The following CDH1 variants were observed in gnomAD, a reference collection of about 807,000 sequenced individuals.
CDH1 encodes the protein cadherin-1.
A neutral mutation model predicts 84.5 loss-of-function variants in CDH1; 35 were observed. The observed-to-expected ratio is 0.41, with a 90% CI of 0.32 to 0.55. CDH1 has a LOEUF of 0.55. Among genes scored for constraint, CDH1 ranks in the 20% least tolerant of loss-of-function variants. The pLI, the probability that CDH1 is intolerant of heterozygous loss-of-function variation, is 0.19. For missense variants in CDH1, 994 were observed against 1,126.6 expected (o/e 0.88, Z 1.68); for synonymous variants, 417 against 439.0 (o/e 0.95, Z 0.63).
chr16:68,800,847 A>T (rs553409890), intron 2 of CDH1, among the ~76,000 whole-genome samples: 16 of 152,110 alleles, frequency 1.1e-4, no homozygotes, highest in African/African-American at 3.9e-4. Context: ...TTTTATTTTA[A>T]TTTCTTTTTA....
At chr16:68,744,531 T>G (rs911153814) in intron 2 of CDH1, among the ~76,000 whole-genome samples, 3 of 152,138 alleles carry the variant, frequency 2.0e-5, no homozygotes, top group African/African-American at 7.2e-5. Context: ...CTTGGGGGAC[T>G]GGGGTTTAGG....
intron 2 of CDH1, among the ~76,000 whole-genome samples, chr16:68,760,394 A>T (rs1963137347): frequency 6.7e-6 from 1 of 150,272 alleles, no homozygotes. Flanking sequence ...GATTACAGGC[A>T]TGAGCCACCA....
chr16:68,745,419 G>A (rs1962695338), intron 2 of CDH1, among the ~76,000 whole-genome samples: 1 of 150,752 alleles, frequency 6.6e-6, no homozygotes, highest in African/African-American at 2.4e-5. Context: ...GCATGTGCAT[G>A]TAGTCCCAAC....
chr16:68,815,810 C>A (rs749832545), intron 10 of CDH1, 51 bp downstream of exon 10: 8 of 1,594,722 alleles, frequency 5.0e-6, no homozygotes, highest in Middle Eastern at 1.8e-4. Context: ...TATTTTATAT[C>A]ATTTTATATG....
chr16:68,747,203 C>T (rs139906556), intron 2 of CDH1, among the ~76,000 whole-genome samples: 329 of 152,154 alleles, frequency 2.2e-3, no homozygotes, highest in Non-Finnish European at 3.6e-3. Flanking sequence ...AGGGTGTCTT[C>T]CATGCAAGGA....
chr16:68,809,055 G>A (rs547041885), intron 5 of CDH1: 1 of 594,786 alleles, frequency 1.7e-6, no homozygotes, highest in Non-Finnish European at 3.0e-6. Context: ...AAGAAAGGAA[G>A]GAGAATCCGC....
At chr16:68,750,902 G>A (rs1157511634) in intron 2 of CDH1, among the ~76,000 whole-genome samples, 1 of 151,796 alleles carries the variant, frequency 6.6e-6, no homozygotes, top group South Asian at 2.1e-4. Context: ...AAGGGATCTC[G>A]CTATATTGCC....
At chr16:68,790,502 G>GC (rs1427909230) in intron 2 of CDH1, among the ~76,000 whole-genome samples, 1 of 152,152 alleles carries the variant, frequency 6.6e-6, no homozygotes, top group Admixed American at 6.5e-5. Flanking sequence ...TACGCATGCA[G>GC]CCACAGCTGG....
intron 2 of CDH1, among the ~76,000 whole-genome samples, chr16:68,781,718 C>T (rs994179230): frequency 5.9e-5 from 9 of 152,110 alleles, no homozygotes; most frequent in Non-Finnish European, 1.3e-4. Context: ...GAGTGATCTC[C>T]CTGCCTTAGC....
At chr16:68,738,136 G>A (rs1416846295) in intron 1 of CDH1, among the ~76,000 whole-genome samples, 161 bp from the exon 2 acceptor site, 1 of 152,154 alleles carries the variant, frequency 6.6e-6, no homozygotes, top group African/African-American at 2.4e-5. Flanking sequence ...GTTTCGGGGT[G>A]GGGGAGGGTG....
intron 2 of CDH1, among the ~76,000 whole-genome samples, chr16:68,783,388 C>CAAAAAA (rs375080273): frequency 3.2e-5 from 2 of 61,964 alleles, no homozygotes; most frequent in East Asian, 4.8e-4. Flanking sequence ...CAGAGTATCT[C>CAAAAAA]AAAAAAAAAA....
In CDH1 at chr16:68,812,121, C is replaced by T. The variant is rs368293695; in HGVS notation, c.1009-14C>T. ...GTTCCTGGTCCTGACTTGGTTGTGT[C>T]GATCTCTCTGCAGAGTTTCCCTACG... On this transcript the variant is annotated splice_polypyrimidine_tract_variant and intron_variant, in intron 7 of 15. Coordinates refer to ENST00000261769, the MANE Select transcript of CDH1 (RefSeq NM_004360.5). 1.9e-5 allele frequency: 31 copies of T among 1,613,662 alleles called. No homozygotes were observed. Among genetic ancestry groups the T allele is most frequent in the African/African-American group, 2.7e-5 (2 of 74,810 alleles).
In CDH1 at chr16:68,833,861, G is replaced by A; in HGVS notation, c.*362G>A. On this transcript the variant is annotated 3_prime_UTR_variant, in exon 16 of 16. Transcript: ENST00000261769. The stretch of plus-strand genomic sequence containing the variant: ...TTTTGTCTCACTTTTAAAAAGAAGG[G>A]GAGAAGTCAGCTACTCTAGTTCTGT... 1 of 383,804 alleles carries A rather than the reference G, an allele frequency of 2.6e-6. No homozygotes were observed. The highest frequency in any genetic ancestry group is 4.4e-5 in the East Asian group (1 of 22,482). 23.8% of individuals were successfully genotyped at this position (383,804 alleles called of 1,614,324 possible).
At chr16:68,818,173 G>C (rs1412100888) in intron 10 of CDH1, among the ~76,000 whole-genome samples, 1 of 149,062 alleles carries the variant, frequency 6.7e-6, no homozygotes, top group Non-Finnish European at 1.5e-5. Context: ...CTGGGAGGTG[G>C]AGCTTGCAGT....
chr16:68,745,550 A>ATATATATATATGTG (rs1555510454), intron 2 of CDH1, among the ~76,000 whole-genome samples: 7 of 50,498 alleles, frequency 1.4e-4, no homozygotes, highest in Non-Finnish European at 2.3e-4. Context: ...AAAAAAAAAA[A>ATATATATATATGTG]TATATATATA....
intron 2 of CDH1, among the ~76,000 whole-genome samples, chr16:68,792,195 A>T (rs1252789247): frequency 6.8e-6 from 1 of 146,444 alleles, no homozygotes; most frequent in East Asian, 2.0e-4. Context: ...TGCTGTGATT[A>T]CAGGCATGAG....
At chr16:68,789,818 G>T (rs1960160892) in intron 2 of CDH1, among the ~76,000 whole-genome samples, 1 of 152,178 alleles carries the variant, frequency 6.6e-6, no homozygotes, top group Admixed American at 6.5e-5. Context: ...CCAGCACTTT[G>T]GGAGGCTGAG....
rs1384106321 is a variant in CDH1 at position 68,832,884 on chromosome 16, G to C, written c.2440-406G>C. ...TTAGTTCCCACACCCCCACTCCCCA[G>C]ATTTAACTGTTAAGCATTTGGCATT... On this transcript the variant is annotated intron_variant, in intron 15 of 15. Transcript: ENST00000261769. Among the ~76,000 whole-genome samples, 5 of 152,116 alleles carry C rather than the reference G, an allele frequency of 3.3e-5. No individual in the cohort carries two copies. The South Asian group carries it at 1.0e-3, about 32-fold the overall frequency.
At chr16:68,824,446 T>C (rs34302882) in intron 13 of CDH1, among the ~76,000 whole-genome samples, 4,739 of 152,044 alleles carry the variant, frequency 0.031, 119 homozygotes, top group East Asian at 0.073. Context: ...CCATCCTAGA[T>C]TGGGGAAGGG....
Sources: gnomAD v4.1 joint callset for allele counts (sites outside exome capture counted in the v4.1 genomes callset) on GRCh38, gnomAD v4.1.1 for gene constraint, MANE v1.5 for transcripts, NCBI Gene and HGNC (gene_info 2026-07-23, HGNC 2026-07-21) for gene names.